The following SOS1 variants were observed in gnomAD, a reference collection of about 807,000 sequenced individuals.
SOS1 encodes son of sevenless homolog 1.
A neutral mutation model predicts 157.6 loss-of-function variants in SOS1; 25 were observed. The observed-to-expected ratio is 0.16, with a 90% CI of 0.12 to 0.22. SOS1 has a LOEUF of 0.22. Ranked by LOEUF, SOS1 falls within the 10% of genes least tolerant of loss-of-function variation. The pLI, the probability that SOS1 is intolerant of heterozygous loss-of-function variation, is 1.00. For synonymous variants in SOS1, 528 were observed against 534.0 expected, an observed-to-expected ratio of 0.99 and a Z score of 0.16; for missense variants, 1,237 against 1,599.1, an observed-to-expected ratio of 0.77 and a Z score of 3.86.
chr2:39,108,235 T>A (rs896587733), intron 1 of SOS1, among the ~76,000 whole-genome samples: 1 of 152,190 alleles, frequency 6.6e-6, no homozygotes, highest in East Asian at 1.9e-4. Flanking sequence ...ATCCCTTCCA[T>A]GAACTACTGC....
At position 39,022,682 on chromosome 2, in the gene SOS1, A is replaced by G; in HGVS notation, c.1746T>C (p.Ser582=). 4 of 1,613,382 alleles carry G rather than the reference A, an allele frequency of 2.5e-6. No individual in the cohort carries two copies. The highest frequency in any genetic ancestry group is 3.4e-6 in the Non-Finnish European group (4 of 1,179,366). The change falls in exon 10 of 23, where the codon TCT becomes TCC. Residue 582 remains serine (S), a synonymous_variant. Coordinates refer to ENST00000402219, the MANE Select transcript of SOS1 (RefSeq NM_005633.4). The part of the protein sequence containing the change: ...ADVYRFAEPD[S]EENIIFEENM... ...TCTCTTCAAATATAATATTCTCTTC[A>G]GAGTCAGGCTCTGCAAATCTATAAA...
chr2:39,081,061 G>T (rs1381647767), intron 1 of SOS1, among the ~76,000 whole-genome samples: 5 of 151,864 alleles, frequency 3.3e-5, no homozygotes, highest in African/African-American at 1.2e-4. Context: ...GGTTTGGGTG[G>T]TCCCAGCTAC....
chr2:39,049,807 G>A (rs929901607), intron 6 of SOS1, among the ~76,000 whole-genome samples: 1 of 152,110 alleles, frequency 6.6e-6, no homozygotes, highest in African/African-American at 2.4e-5. Context: ...CAACGTTTTT[G>A]TCTCCCCACA....
At chr2:39,075,380 T>A (rs1671934348) in intron 1 of SOS1, among the ~76,000 whole-genome samples, 1 of 152,230 alleles carries the variant, frequency 6.6e-6, no homozygotes, top group African/African-American at 2.4e-5. Context: ...AATTTAAGGT[T>A]CTTGTATTAC....
chr2:39,068,548 A>C (rs891958894), intron 1 of SOS1, among the ~76,000 whole-genome samples: 1 of 152,360 alleles, frequency 6.6e-6, no homozygotes, highest in African/African-American at 2.4e-5. Flanking sequence ...GCAGGCACGC[A>C]TATTACAAGC....
intron 1 of SOS1, among the ~76,000 whole-genome samples, chr2:39,076,030 G>A (rs1402386328): frequency 6.6e-6 from 1 of 152,128 alleles, no homozygotes; most frequent in Non-Finnish European, 1.5e-5. Context: ...AATGTGTGCT[G>A]TGTACAACTG....
At chr2:39,049,780 A>T (rs7559586) in intron 6 of SOS1, among the ~76,000 whole-genome samples, 7,327 of 152,248 alleles carry the variant, frequency 0.048, 656 homozygotes, top group African/African-American at 0.17. Flanking sequence ...AAACTTTGTT[A>T]AGTTATTATT....
intron 1 of SOS1, among the ~76,000 whole-genome samples, chr2:39,071,262 C>G (rs297128): frequency 0.93 from 142,198 of 152,270 alleles, 66,510 homozygotes; most frequent in African/African-American, 0.97. Flanking sequence ...GGGCCTCCTG[C>G]CTCTTTCCAC....
At chr2:39,007,963 C>G (rs890724346) in intron 15 of SOS1, among the ~76,000 whole-genome samples, 1 of 152,008 alleles carries the variant, frequency 6.6e-6, no homozygotes, top group Non-Finnish European at 1.5e-5. Flanking sequence ...GTATTTGAAC[C>G]AAGACTGGTC....
intron 6 of SOS1, among the ~76,000 whole-genome samples, chr2:39,046,788 C>T (rs1467254742): frequency 6.6e-6 from 1 of 152,178 alleles, no homozygotes; most frequent in African/African-American, 2.4e-5. Flanking sequence ...CAGGTGCAAG[C>T]CACCGGCCTA....
intron 1 of SOS1, among the ~76,000 whole-genome samples, chr2:39,105,958 T>C (rs1673160826): frequency 6.6e-6 from 1 of 152,128 alleles, no homozygotes; most frequent in Non-Finnish European, 1.5e-5. Flanking sequence ...AGCTCACACC[T>C]GTAATCCTAG....
chr2:38,988,534 G>A (rs1668620897), intron 21 of SOS1, among the ~76,000 whole-genome samples: 1 of 151,840 alleles, frequency 6.6e-6, no homozygotes, highest in African/African-American at 2.4e-5. Context: ...TTTGTCACAT[G>A]TTATAAAATA....
At chr2:39,101,878 T>C (rs145431590) in intron 1 of SOS1, among the ~76,000 whole-genome samples, 2 of 152,174 alleles carry the variant, frequency 1.3e-5, no homozygotes, top group Non-Finnish European at 2.9e-5. Flanking sequence ...CCTGCCTATG[T>C]ATTGAGTTTC....
At chr2:39,080,230 A>G (rs974910537) in intron 1 of SOS1, among the ~76,000 whole-genome samples, 3 of 152,014 alleles carry the variant, frequency 2.0e-5, no homozygotes, top group Non-Finnish European at 4.4e-5. Flanking sequence ...TTAGATTCTC[A>G]TAAGGAGTAC....
intron 4 of SOS1, among the ~76,000 whole-genome samples, chr2:39,055,385 G>A (rs947465213): frequency 1.3e-5 from 2 of 151,906 alleles, no homozygotes; most frequent in African/African-American, 4.8e-5. Context: ...CTTTCTGATT[G>A]TTTCATGAAT....
At chr2:39,022,540 A>G (rs1669830942) in intron 10 of SOS1, 30 bp downstream of exon 10, 1 of 1,586,120 alleles carries the variant, frequency 6.3e-7, no homozygotes, top group Non-Finnish European at 8.7e-7. Context: ...GCAGGAAAAC[A>G]AAAGTGACAG....
rs1553371468 is a variant in SOS1, at chr2:39,110,037, TGC to T, written c.87+10297_87+10298del. Among the ~76,000 whole-genome samples the T allele has an allele frequency of 9.4e-3, 959 of 101,596 alleles. 6 individuals are homozygous for T. The highest frequency in any genetic ancestry group is 0.032 in the South Asian group (83 of 2,590). 66.7% of individuals were successfully genotyped at this position (101,596 alleles called of 152,430 possible). On this transcript the variant is annotated intron_variant, in intron 1 of 22. Coordinates refer to ENST00000402219, the MANE Select transcript of SOS1 (RefSeq NM_005633.4). ...AGATACAGATACAGTTGTGTGTGTG[TGC>T]GTGTGTGTGTGTGTGTGTGTGTGTG...
intron 6 of SOS1, among the ~76,000 whole-genome samples, chr2:39,045,087 G>T: frequency 6.6e-6 from 1 of 152,118 alleles, no homozygotes; most frequent in East Asian, 1.9e-4. Flanking sequence ...GTACCCTGAT[G>T]TAATGTATTG....
intron 1 of SOS1, among the ~76,000 whole-genome samples, chr2:39,073,543 A>C (rs896574095): frequency 6.6e-6 from 1 of 152,212 alleles, no homozygotes; most frequent in East Asian, 1.9e-4. Flanking sequence ...TTAAAGATGA[A>C]AACTCTTGAA....
Sources: gnomAD v4.1 joint callset for allele counts (sites outside exome capture counted in the v4.1 genomes callset) on GRCh38, gnomAD v4.1.1 for gene constraint, MANE v1.5 for transcripts, NCBI Gene and HGNC (gene_info 2026-07-23, HGNC 2026-07-21) for gene names.